The following TPTE variants were observed in gnomAD, a reference collection of about 807,000 sequenced individuals.
TPTE encodes the protein transmembrane phosphatase with tensin homology.
In TPTE, 59 loss-of-function variants were observed where a neutral mutation model predicts 84.1. The ratio of observed to expected loss-of-function variants is 0.70; its 90% confidence interval spans 0.57 to 0.87. TPTE has a LOEUF of 0.87. TPTE is among the 40% of genes least tolerant of loss of function. TPTE has a pLI of 0.00. For missense variants in TPTE, 382 were observed against 659.6 expected (o/e 0.58, Z 4.61); for synonymous variants, 130 against 223.5 (o/e 0.58, Z 3.73).
intron 1 of TPTE, among the ~76,000 whole-genome samples, chr21:10,522,236 C>A (rs2073993622): frequency 6.6e-6 from 1 of 152,284 alleles, no homozygotes; most frequent in Admixed American, 6.5e-5. Flanking sequence ...CGCTTCCGCC[C>A]ACGGGAAGGT....
chr21:10,598,674 CTT>C (rs1325809593), intron 21 of TPTE, among the ~76,000 whole-genome samples: 3 of 152,308 alleles, frequency 2.0e-5, no homozygotes, highest in Non-Finnish European at 4.4e-5. Context: ...GGAGGAACCT[CTT>C]TATCCAAAGC....
intron 18 of TPTE, among the ~76,000 whole-genome samples, chr21:10,591,661 G>A (rs1302663618): frequency 6.6e-6 from 1 of 152,312 alleles, no homozygotes; most frequent in African/African-American, 2.4e-5. Context: ...GGACATGTAT[G>A]CGAGGCCTGT....
chr21:10,553,396 C>T (rs1172183962), intron 8 of TPTE, among the ~76,000 whole-genome samples: 4 of 152,300 alleles, frequency 2.6e-5, no homozygotes, highest in Non-Finnish European at 4.4e-5. Context: ...AGTTAACTCA[C>T]CATGGTTGTA....
chr21:10,548,370 C>T (rs1392847777), intron 7 of TPTE, among the ~76,000 whole-genome samples: 3 of 152,308 alleles, frequency 2.0e-5, no homozygotes, highest in East Asian at 1.9e-4. Context: ...ACCTCCAGAC[C>T]AGCCAATCAG....
chr21:10,574,722 G>A (rs1418864075), intron 14 of TPTE, among the ~76,000 whole-genome samples: 2 of 152,308 alleles, frequency 1.3e-5, no homozygotes, highest in Non-Finnish European at 2.9e-5. Flanking sequence ...CCAGCCAAGG[G>A]AAGCAGTGAG....
At chr21:10,538,958 G>A (rs1310978863) in intron 4 of TPTE, among the ~76,000 whole-genome samples, 16 of 152,296 alleles carry the variant, frequency 1.1e-4, no homozygotes, top group Admixed American at 6.5e-4. Flanking sequence ...GGAAGCCTGC[G>A]TGGCCATAGA....
chr21:10,552,288 T>G (rs1364404281), intron 7 of TPTE, among the ~76,000 whole-genome samples: 2 of 152,424 alleles, frequency 1.3e-5, no homozygotes, highest in East Asian at 3.9e-4. Context: ...AGTTTTTGCT[T>G]TATTGCAGTG....
chr21:10,543,595 TAC>T (rs2145623837), intron 7 of TPTE, among the ~76,000 whole-genome samples: 1 of 152,424 alleles, frequency 6.6e-6, no homozygotes, highest in East Asian at 1.9e-4. Flanking sequence ...TGCATGGCCA[TAC>T]AGAGTGTTTT....
intron 3 of TPTE, among the ~76,000 whole-genome samples, chr21:10,530,711 T>G (rs1423302049): frequency 6.6e-6 from 1 of 152,312 alleles, no homozygotes; most frequent in Non-Finnish European, 1.5e-5. Flanking sequence ...GGATTGCATA[T>G]TTTGAATTTG....
chr21:10,562,644 CTT>C (rs1193079396), intron 10 of TPTE, among the ~76,000 whole-genome samples: 2 of 152,304 alleles, frequency 1.3e-5, no homozygotes, highest in Admixed American at 6.5e-5. Flanking sequence ...GCATTAGAGT[CTT>C]TTAATAGCAG....
At chr21:10,582,111 T>G (rs1446394038) in intron 17 of TPTE, among the ~76,000 whole-genome samples, 1 of 152,310 alleles carries the variant, frequency 6.6e-6, no homozygotes, top group Non-Finnish European at 1.5e-5. Flanking sequence ...TCTGTCATGT[T>G]TATGAAATTC....
intron 18 of TPTE, among the ~76,000 whole-genome samples, chr21:10,592,017 T>C (rs1471754146): frequency 2.6e-5 from 4 of 152,306 alleles, no homozygotes; most frequent in Non-Finnish European, 5.9e-5. Context: ...TACAAAAAAT[T>C]AGCTGGGCAT....
chr21:10,523,877 A>C (rs1406353675), intron 1 of TPTE, among the ~76,000 whole-genome samples: 7 of 152,310 alleles, frequency 4.6e-5, no homozygotes, highest in Non-Finnish European at 2.9e-5. Flanking sequence ...CGCCACACTG[A>C]CTTCCACCAT....
rs1440682095 is a variant in TPTE at position 10,592,276 on chromosome 21, T to A, written c.1090-17T>A. On this transcript the variant is annotated splice_polypyrimidine_tract_variant and intron_variant, in intron 18 of 23. Transcript: ENST00000618007. ...GAGTGCAGATGAACCATGGTTGGAT[T>A]GTACCCTTTTTTGTAGGAAAGCCTG... The A allele has an allele frequency of 6.2e-7, 1 of 1,612,970 alleles. No individual in the cohort carries two copies. The highest frequency in any genetic ancestry group is 2.2e-5 in the East Asian group (1 of 44,880).
chr21:10,526,573 A>G (rs2074083036), intron 2 of TPTE, among the ~76,000 whole-genome samples: 1 of 151,878 alleles, frequency 6.6e-6, no homozygotes. Context: ...AGTTTCTTAA[A>G]CTTATTTAAA....
In TPTE at chr21:10,543,184, C is replaced by G. The variant is rs548471562; in HGVS notation, c.120-145C>G. 7 of 1,128,928 alleles carry G rather than the reference C, an allele frequency of 6.2e-6. 1 individual carries two copies. The East Asian group carries it at 1.8e-4, about 29-fold the overall frequency. The allele number at this position is 1,128,928 out of a possible 1,614,324, so 69.9% of individuals were successfully genotyped here. A position where few individuals can be genotyped will look rare whatever the true frequency, so the allele number is the denominator to read the frequency against. On this transcript the variant is annotated intron_variant, in intron 6 of 23. Coordinates refer to ENST00000618007, the MANE Select transcript of TPTE (RefSeq NM_199261.4). ...AGCTGGGACTACAGGCGCCCGCCAC[C>G]GCGCCCAGCTAATTTTTTTTTGTAT...
chr21:10,552,536 A>C (rs533022498), intron 7 of TPTE, 121 bp from the exon 8 acceptor site: 22 of 1,481,020 alleles, frequency 1.5e-5, no homozygotes, highest in Non-Finnish European at 1.8e-6. Context: ...CAGTGAGCTA[A>C]GTCATGTTTA....
intron 17 of TPTE, among the ~76,000 whole-genome samples, chr21:10,588,460 A>G (rs1311581695): frequency 1.3e-5 from 2 of 152,312 alleles, no homozygotes; most frequent in East Asian, 3.8e-4. Context: ...TTTGACAGTG[A>G]CCTTGGATAG....
chr21:10,540,089 T>C (rs1211622854), intron 4 of TPTE, among the ~76,000 whole-genome samples: 21 of 152,418 alleles, frequency 1.4e-4, no homozygotes, highest in Middle Eastern at 6.8e-3. Context: ...CTGAAAACCT[T>C]AAGTCTAGGA....
Sources: gnomAD v4.1 joint callset for allele counts (sites outside exome capture counted in the v4.1 genomes callset) on GRCh38, gnomAD v4.1.1 for gene constraint, MANE v1.5 for transcripts, NCBI Gene and HGNC (gene_info 2026-07-23, HGNC 2026-07-21) for gene names.